CRTAC1: variants seen among roughly 807,000 people sequenced by gnomAD.
CRTAC1 encodes the protein acidic secreted protein in cartilage.
A neutral mutation model predicts 67.8 loss-of-function variants in CRTAC1; 37 were observed. The ratio of observed to expected loss-of-function variants is 0.55; its 90% confidence interval spans 0.42 to 0.72. CRTAC1 has a LOEUF of 0.72. Ranked by LOEUF, CRTAC1 falls within the 30% of genes least tolerant of loss-of-function variation. The probability of loss-of-function intolerance (pLI) is 0.00; values close to 1 mark genes in which losing one functional copy is unlikely to be tolerated. For synonymous variants in CRTAC1, 348 were observed against 371.0 expected, an observed-to-expected ratio of 0.94 and a Z score of 0.71; for missense variants, 780 against 931.6, an observed-to-expected ratio of 0.84 and a Z score of 2.12.
chr10:97,946,012 G>A (rs1324335581), intron 2 of CRTAC1, among the ~76,000 whole-genome samples: 3 of 152,194 alleles, frequency 2.0e-5, no homozygotes, highest in Non-Finnish European at 4.4e-5. Flanking sequence ...ACTATCCTAT[G>A]CAGCTCTATT....
At chr10:97,920,661 C>G (rs1280861984) in intron 4 of CRTAC1, among the ~76,000 whole-genome samples, 1 of 152,218 alleles carries the variant, frequency 6.6e-6, no homozygotes, top group Non-Finnish European at 1.5e-5. Context: ...GCCATTAGCC[C>G]GGGTCCTAGT....
At position 97,884,190 on chromosome 10, in the gene CRTAC1, A is replaced by G. The variant is rs757220979; in HGVS notation, c.1632+16T>C. ...GCCCGCTTTTCTGGCTATGAGGCCC[A>G]GATGCCTTTGCCCACCTCCAGTGGG... On this transcript the variant is annotated intron_variant, in intron 12 of 14. Coordinates refer to ENST00000370597, the MANE Select transcript of CRTAC1 (RefSeq NM_018058.7). 3.2e-6 allele frequency: 5 copies of G among 1,559,536 alleles called. No individual in the cohort carries two copies. Among genetic ancestry groups the G allele is most frequent in the Admixed American group, 3.8e-5 (2 of 53,170 alleles).
chr10:97,895,331 G>A lies in CRTAC1; in HGVS notation c.1400C>T (p.Thr467Ile). The change falls in exon 11 of 15, where the codon ACC (threonine) becomes ATC (isoleucine). Residue 467 changes from threonine (T) to isoleucine (I), a missense_variant. Coordinates refer to ENST00000370597, the MANE Select transcript of CRTAC1 (RefSeq NM_018058.7). This position sits in a 1 kb window ranked among gnomAD's most constrained non-coding sequence, Gnocchi z 4.2. ...FARGAKVVLYTKKSGAHLRII... is the reference protein window; with the variant it reads ...FARGAKVVLYIKKSGAHLRII... ...CCTCAGGTGGGCCCCACTCTTCTTG[G>A]TGTAGAGCACGACCTTAGCTCCCCT... is the stretch of plus-strand genomic sequence containing the variant. The A allele has an allele frequency of 6.2e-7, 1 of 1,613,844 alleles. No individual in the cohort carries two copies. Among genetic ancestry groups the A allele is most frequent in the Non-Finnish European group, 8.5e-7 (1 of 1,179,964 alleles).
At chr10:98,004,277 T>C (rs1170990999) in intron 2 of CRTAC1, among the ~76,000 whole-genome samples, 3 of 152,190 alleles carry the variant, frequency 2.0e-5, no homozygotes, top group Non-Finnish European at 2.9e-5. Flanking sequence ...AATCAGAAAG[T>C]GCTGAAGTTC....
rs376256449 is a variant in CRTAC1 at position 97,865,519 on chromosome 10, C to T, written c.*29G>A. ...CACTTTCCCACTCCCCTGCTGGACT[C>T]CATCCGCTGGTTCATGTCCCACCCC... On this transcript the variant is annotated 3_prime_UTR_variant, in exon 15 of 15. Transcript: ENST00000370597. 6.3e-6 allele frequency: 10 copies of T among 1,582,644 alleles called. No homozygotes were observed. In the East Asian group the frequency reaches 1.8e-4, roughly 29 times the overall value.
intron 3 of CRTAC1, among the ~76,000 whole-genome samples, chr10:97,932,998 G>A (rs1390240942): frequency 2.6e-5 from 4 of 152,244 alleles, no homozygotes; most frequent in African/African-American, 9.6e-5. Flanking sequence ...CTGGCCAAGG[G>A]AGGAGAGTGG....
intron 2 of CRTAC1, among the ~76,000 whole-genome samples, chr10:98,005,611 T>C (rs1228627668): frequency 6.6e-6 from 1 of 151,158 alleles, no homozygotes; most frequent in Admixed American, 6.6e-5. Flanking sequence ...TGTATCTAAT[T>C]ATATTTATAT....
chr10:97,951,510 G>C (rs1590233344), intron 2 of CRTAC1, among the ~76,000 whole-genome samples: 1 of 152,186 alleles, frequency 6.6e-6, no homozygotes, highest in Non-Finnish European at 1.5e-5. Context: ...CATTGACACT[G>C]ATCAGAATCT....
chr10:97,918,547 A>T (rs1245344404), intron 4 of CRTAC1, among the ~76,000 whole-genome samples: 2 of 152,176 alleles, frequency 1.3e-5, no homozygotes, highest in Non-Finnish European at 2.9e-5. Flanking sequence ...AGCTCTAACT[A>T]TGTGCCAAGT....
chr10:97,938,439 A>G (rs2136616929), intron 2 of CRTAC1, among the ~76,000 whole-genome samples: 1 of 152,258 alleles, frequency 6.6e-6, no homozygotes, highest in East Asian at 1.9e-4. Flanking sequence ...GCCCCACACC[A>G]TCTCAGAAGG....
At chr10:97,922,627 G>T (rs963653809) in intron 4 of CRTAC1, among the ~76,000 whole-genome samples, 1 of 152,206 alleles carries the variant, frequency 6.6e-6, no homozygotes, top group Non-Finnish European at 1.5e-5. Flanking sequence ...CCCCTCACCG[G>T]GCAGATGGCT....
At chr10:97,896,691 G>T (rs934702374) in intron 9 of CRTAC1, among the ~76,000 whole-genome samples, 1 of 152,168 alleles carries the variant, frequency 6.6e-6, no homozygotes, top group Admixed American at 6.5e-5. Context: ...GCCTGGGATT[G>T]GGGGAGTGGA....
rs947923740 is a variant in CRTAC1, at chr10:98,030,505, T to C, written c.-33A>G. ...CTCTCGGCCCCGCCGCCTAGGGGCG[T>C]GGGAAGCGGGCGCTCGCTGCCGCCT... On this transcript the variant is annotated 5_prime_UTR_variant, in exon 1 of 15. Transcript: ENST00000370597. This position sits in a 1 kb window ranked among gnomAD's most constrained non-coding sequence, Gnocchi z 4.2. 2.1e-5 allele frequency: 26 copies of C among 1,241,496 alleles called. No homozygotes were observed. The highest frequency in any genetic ancestry group is 2.6e-5 in the Non-Finnish European group (26 of 985,354). 76.9% of individuals were successfully genotyped at this position (1,241,496 alleles called of 1,614,324 possible).
At position 97,911,022 on chromosome 10, in the gene CRTAC1, C is replaced by T. The variant is rs866380349; in HGVS notation, c.716-2875G>A. Reference sequence around the variant, plus strand: ...CATGGGTGGCTTCCAGAGGCCTGTCCTAAAGCCAGCAGGAAAGGATGTGGG... The same window carrying T: ...CATGGGTGGCTTCCAGAGGCCTGTCTTAAAGCCAGCAGGAAAGGATGTGGG... On this transcript the variant is annotated intron_variant, in intron 5 of 14. Coordinates refer to ENST00000370597, the MANE Select transcript of CRTAC1 (RefSeq NM_018058.7). Among the ~76,000 whole-genome samples the T allele has an allele frequency of 1.1e-4, 16 of 152,342 alleles. No individual in the cohort carries two copies. In the Middle Eastern group the frequency reaches 0.017, roughly 162 times the overall value.
At chr10:98,004,941 G>A (rs1467807597) in intron 2 of CRTAC1, among the ~76,000 whole-genome samples, 2 of 150,300 alleles carry the variant, frequency 1.3e-5, no homozygotes, top group East Asian at 1.9e-4. Context: ...ACAGCAAACC[G>A]GAAACAGTTG....
chr10:97,938,597 C>A (rs2051125366), intron 2 of CRTAC1, among the ~76,000 whole-genome samples: 1 of 152,184 alleles, frequency 6.6e-6, no homozygotes, highest in Non-Finnish European at 1.5e-5. Context: ...CACTCTCAGG[C>A]CTGTTCATTT....
chr10:98,016,977 G>A (rs946317784), intron 1 of CRTAC1, among the ~76,000 whole-genome samples: 22 of 152,186 alleles, frequency 1.4e-4, no homozygotes, highest in Non-Finnish European at 2.1e-4. Context: ...CATTTTGTGT[G>A]GCTGACTCAG....
At chr10:97,872,323 A>C (rs527375168) in intron 14 of CRTAC1, among the ~76,000 whole-genome samples, 4 of 152,302 alleles carry the variant, frequency 2.6e-5, no homozygotes, top group Non-Finnish European at 5.9e-5. Flanking sequence ...ATTCACCTGC[A>C]AGTGGTCACC....
At chr10:97,929,096 G>C (rs1415559260) in intron 3 of CRTAC1, among the ~76,000 whole-genome samples, 3 of 151,910 alleles carry the variant, frequency 2.0e-5, no homozygotes, top group Non-Finnish European at 4.4e-5. Context: ...TGAGGGAGCT[G>C]TCCAAAATGT....
Sources: allele counts gnomAD v4.1 joint callset (sites outside exome capture counted in the v4.1 genomes callset), GRCh38; gene constraint gnomAD v4.1.1; non-coding constraint Gnocchi (gnomAD v3.1); transcripts MANE v1.5; gene names NCBI Gene and HGNC (gene_info 2026-07-23, HGNC 2026-07-21).